DHRS7: variants seen among roughly 807,000 people sequenced by gnomAD.
DHRS7 encodes dehydrogenase/reductase 7.
DHRS7 carries 34 observed loss-of-function variants against 38.9 expected under a neutral mutation model. The ratio of observed to expected loss-of-function variants is 0.87; its 90% CI spans 0.66 to 1.16. The LOEUF is 1.16. Among genes scored for constraint, DHRS7 ranks in the 50% most tolerant of loss-of-function variants. DHRS7 has a pLI of 0.00. For synonymous variants in DHRS7, 158 were observed against 153.1 expected (o/e 1.03, Z -0.24); for missense variants, 421 against 407.0 (o/e 1.03, Z -0.30).
At position 60,162,329 on chromosome 14, in the gene DHRS7, T is replaced by C. The variant is rs892762802; in HGVS notation, c.133+2848A>G. 6.6e-6 allele frequency among the ~76,000 whole-genome samples: 1 copy of C among 151,558 alleles called. No homozygotes were observed. Among genetic ancestry groups the C allele is most frequent in the Non-Finnish European group, 1.5e-5 (1 of 67,930 alleles). The stretch of plus-strand genomic sequence containing the variant: ...TCGAGGCTGCAGTGAGCTATGATCA[T>C]GCCACTGCACTCCAGGCTGGGTGAC... On this transcript the variant is annotated intron_variant, in intron 1 of 6. Transcript: ENST00000557185. The surrounding 1 kb of genome is among the most constrained non-coding windows in gnomAD (Gnocchi z 4.5).
chr14:60,159,773 C>T (rs555115836), intron 1 of DHRS7, among the ~76,000 whole-genome samples: 91 of 152,236 alleles, frequency 6.0e-4, no homozygotes, highest in African/African-American at 2.1e-3. Context: ...TCTCCCCTCC[C>T]CCAGGGAAAA....
In DHRS7 at chr14:60,165,226, A is replaced by T; in HGVS notation, c.84T>A (p.Ala28=). 6.2e-7 allele frequency: 1 copy of T among 1,611,918 alleles called. No individual in the cohort carries two copies. ...CCCATAGTAGCGTCAGGTCGCCGTC[A>T]GCCCTCAGGAAGCGCAGCAGCTGCA... ...LLVQLLRFLR[A]DGDLTLLWAE... The change falls in exon 1 of 7, where the codon GCT becomes GCA. Residue 28 remains alanine, a synonymous_variant. Transcript: ENST00000557185. This position sits in a 1 kb window ranked among gnomAD's most constrained non-coding sequence, Gnocchi z 4.6.
chr14:60,166,557 T>C (rs1228645988), upstream of DHRS7, among the ~76,000 whole-genome samples: 4 of 152,222 alleles, frequency 2.6e-5, no homozygotes, highest in Admixed American at 2.6e-4. Flanking sequence ...TTTAAATGTT[T>C]TGAAGAATGT....
chr14:60,162,466 G>A lies in DHRS7; in HGVS notation c.133+2711C>T, dbSNP rs1188394211. Among the ~76,000 whole-genome samples the A allele has an allele frequency of 6.6e-6, 1 of 152,076 alleles. No individual in the cohort carries two copies. Among genetic ancestry groups the A allele is most frequent in the Non-Finnish European group, 1.5e-5 (1 of 68,012 alleles). On this transcript the variant is annotated intron_variant, in intron 1 of 6. Transcript: ENST00000557185. This position sits in a 1 kb window ranked among gnomAD's most constrained non-coding sequence, Gnocchi z 4.5. Reference sequence around the variant, plus strand: ...GGATACAGAGGAGGCAGGAAATGGTGGCTGCCTCGAGAGAAGCACACTAGG... The same window carrying A: ...GGATACAGAGGAGGCAGGAAATGGTAGCTGCCTCGAGAGAAGCACACTAGG...
At position 60,161,809 on chromosome 14, in the gene DHRS7, G is replaced by T. The variant is rs920624798; in HGVS notation, c.133+3368C>A. On this transcript the variant is annotated intron_variant, in intron 1 of 6. Transcript: ENST00000557185. The surrounding 1 kb of genome is among the most constrained non-coding windows in gnomAD (Gnocchi z 4.2). ...TGATTCAGTCACTGCAGTGTCCCCA[G>T]TGCCCCAGCACAGAGGCCGGCACAT... Among the ~76,000 whole-genome samples the T allele has an allele frequency of 7.9e-5, 12 of 152,166 alleles. No individual in the cohort carries two copies. Among genetic ancestry groups the T allele is most frequent in the Admixed American group, 4.6e-4 (7 of 15,284 alleles).
chr14:60,149,560 G>A lies in DHRS7; in HGVS notation c.765C>T (p.Gly255=), dbSNP rs753922867. The A allele has an allele frequency of 1.3e-6, 2 of 1,598,744 alleles. No individual in the cohort carries two copies. Among genetic ancestry groups the A allele is most frequent in the East Asian group, 4.5e-5 (2 of 44,708 alleles). Residue 255 remains glycine, a synonymous_variant, in exon 6 of 7, where the codon GGC becomes GGT. Coordinates refer to ENST00000557185, the MANE Select transcript of DHRS7 (RefSeq NM_016029.4). ...SLAGEVTKTI[G]NNGDQSHKMT... is the part of the protein sequence containing the mutation. ...TCTTGTGGGACTGGTCTCCATTATT[G>A]CCTATAGTCTAAGAAAAGTTAAAAA...
chr14:60,158,916 G>T, intron 1 of DHRS7: 1 of 225,768 alleles, frequency 4.4e-6, no homozygotes. Flanking sequence ...CAGTAGCAGT[G>T]GGCAGTAATC....
At chr14:60,164,903 CTCT>C (rs1390552892) in intron 1 of DHRS7, among the ~76,000 whole-genome samples, 2 of 152,234 alleles carry the variant, frequency 1.3e-5, no homozygotes, top group Non-Finnish European at 2.9e-5. Context: ...CTCCAGTGCT[CTCT>C]TAACAGTTTG....
chr14:60,167,682 G>A (rs1896885210), upstream of DHRS7, among the ~76,000 whole-genome samples: 1 of 152,236 alleles, frequency 6.6e-6, no homozygotes, highest in Admixed American at 6.5e-5. Context: ...AAAAAAGAGT[G>A]AGTGGAAACT....
upstream of DHRS7, chr14:60,168,727 A>T: frequency 6.4e-7 from 1 of 1,563,118 alleles, no homozygotes; most frequent in South Asian, 1.2e-5. Flanking sequence ...GAGTGAACAG[A>T]AATTTATGGT....
At chr14:60,152,725 G>T in intron 4 of DHRS7, 1 of 586,190 alleles carries the variant, frequency 1.7e-6, no homozygotes, top group East Asian at 2.9e-5. Context: ...ACAATGCAGT[G>T]CTTGATACAT....
intron 1 of DHRS7, chr14:60,159,081 C>T (rs1044771582): frequency 2.7e-5 from 12 of 450,266 alleles, no homozygotes; most frequent in South Asian, 3.5e-5. Context: ...TTACCCAAGA[C>T]GACAAATATT....
At chr14:60,149,162 G>A (rs1896475860) in intron 6 of DHRS7, 191 bp downstream of exon 6, 3 of 587,094 alleles carry the variant, frequency 5.1e-6, no homozygotes, top group Admixed American at 6.0e-5. Flanking sequence ...TAGTAGAGAT[G>A]GGGTTTCACT....
intron 4 of DHRS7, among the ~76,000 whole-genome samples, chr14:60,152,309 A>G (rs1050954987): frequency 6.6e-6 from 1 of 152,224 alleles, no homozygotes; most frequent in Non-Finnish European, 1.5e-5. Context: ...ATCGTAAGTT[A>G]TGCAGTCCAA....
rs751271513 is a variant in DHRS7 at position 60,153,954 on chromosome 14, C to T, written c.393+5G>A. 4.3e-6 allele frequency: 7 copies of T among 1,612,366 alleles called. No homozygotes were observed. In the Admixed American group the frequency reaches 1.2e-4, roughly 27 times the overall value. ...AAGACTATATCAATATAAGATGCTACTTACTCTACCAAACTCCTGGAGAAC... is the reference window on the plus strand; with the variant it reads ...AAGACTATATCAATATAAGATGCTATTTACTCTACCAAACTCCTGGAGAAC... On this transcript the variant is annotated splice_donor_5th_base_variant and intron_variant, in intron 3 of 6. Transcript: ENST00000557185. The surrounding 1 kb of genome is among the most constrained non-coding windows in gnomAD (Gnocchi z 4.4).
At position 60,162,991 on chromosome 14, in the gene DHRS7, G is replaced by A. The variant is rs959475180; in HGVS notation, c.133+2186C>T. ...TTGAGACTAGCCTGGCCAACATGGCGAAACCCCAGGTCTACTAAAAATACA... is the reference window on the plus strand; with the variant it reads ...TTGAGACTAGCCTGGCCAACATGGCAAAACCCCAGGTCTACTAAAAATACA... On this transcript the variant is annotated intron_variant, in intron 1 of 6. Transcript: ENST00000557185. The surrounding 1 kb of genome is among the most constrained non-coding windows in gnomAD (Gnocchi z 4.5). Among the ~76,000 whole-genome samples, 10 of 152,034 alleles carry A rather than the reference G, an allele frequency of 6.6e-5. No homozygotes were observed. The highest frequency in any genetic ancestry group is 1.7e-4 in the African/African-American group (7 of 41,392).
intron 1 of DHRS7, among the ~76,000 whole-genome samples, chr14:60,164,737 A>C (rs1032994441): frequency 1.3e-5 from 2 of 152,178 alleles, no homozygotes; most frequent in Non-Finnish European, 2.9e-5. Context: ...AGACTACTTC[A>C]GGTAGTAGAA....
At chr14:60,151,688 G>A (rs749239695) in intron 4 of DHRS7, among the ~76,000 whole-genome samples, 1 of 152,158 alleles carries the variant, frequency 6.6e-6, no homozygotes, top group African/African-American at 2.4e-5. Flanking sequence ...CTAGTATTGT[G>A]TGTAAACTTT....
rs386381514 is a variant in DHRS7 at position 60,156,231 on chromosome 14, A to AAAGG, written c.134-80_134-79insCCTT. ...AAATCCAAGATTAGAAAAAAAAAAG[A>AAAGG]AAGCCTTAAACAATACCACTAAATA... On this transcript the variant is annotated intron_variant, in intron 1 of 6. Coordinates refer to ENST00000557185, the MANE Select transcript of DHRS7 (RefSeq NM_016029.4). The AAAGG allele has an allele frequency of 2.1e-5, 27 of 1,305,848 alleles. 1 individual carries two copies. The highest frequency in any genetic ancestry group is 2.6e-5 in the East Asian group (1 of 37,778). 80.9% of individuals were successfully genotyped at this position (1,305,848 alleles called of 1,614,324 possible). A position where few individuals can be genotyped will look rare whatever the true frequency, so the allele number is the denominator to read the frequency against.
Sources: allele counts gnomAD v4.1 joint callset (sites outside exome capture counted in the v4.1 genomes callset), GRCh38; gene constraint gnomAD v4.1.1; non-coding constraint Gnocchi (gnomAD v3.1); transcripts MANE v1.5; gene names NCBI Gene and HGNC (gene_info 2026-07-23, HGNC 2026-07-21).